Variants in OCA2 observed in about 807,000 individuals in gnomAD.
OCA2 encodes OCA2 melanosomal transmembrane protein, also known as P protein.
In OCA2, 77 loss-of-function variants were observed where a neutral mutation model predicts 100.2. That is an observed-to-expected ratio of 0.77 (90% CI 0.64 to 0.93). The LOEUF is 0.93. Among genes scored for constraint, OCA2 ranks in the 40% least tolerant of loss-of-function variants. The probability of loss-of-function intolerance (pLI) is 0.00; values close to 1 mark genes in which losing one functional copy is unlikely to be tolerated. For missense variants in OCA2, 1,062 were observed against 1,089.1 expected (o/e 0.98, Z 0.35); for synonymous variants, 432 against 439.2 (o/e 0.98, Z 0.21).
At chr15:27,881,418 G>A (rs1470047440) in intron 19 of OCA2, among the ~76,000 whole-genome samples, 7 of 152,232 alleles carry the variant, frequency 4.6e-5, no homozygotes, top group African/African-American at 1.4e-4. Flanking sequence ...CAATTGTTTG[G>A]AATTGTTTCA....
At chr15:27,791,085 G>A (rs1398363867) in intron 23 of OCA2, among the ~76,000 whole-genome samples, 1 of 151,758 alleles carries the variant, frequency 6.6e-6, no homozygotes, top group African/African-American at 2.4e-5. Context: ...CACTGTGCCT[G>A]GCCCTGATTT....
At chr15:28,015,466 G>A (rs1422315612) in intron 8 of OCA2, among the ~76,000 whole-genome samples, 1 of 152,192 alleles carries the variant, frequency 6.6e-6, no homozygotes, top group Non-Finnish European at 1.5e-5. Context: ...ACCTCCAAAT[G>A]TGACTGTAGG....
At chr15:27,972,319 G>A (rs369619005) in intron 14 of OCA2, among the ~76,000 whole-genome samples, 9 of 152,114 alleles carry the variant, frequency 5.9e-5, no homozygotes, top group South Asian at 4.1e-4. Flanking sequence ...TAAGTGTGCC[G>A]GTGTCTTTTT....
At chr15:27,919,849 G>A (rs1293225571) in intron 19 of OCA2, among the ~76,000 whole-genome samples, 1 of 152,182 alleles carries the variant, frequency 6.6e-6, no homozygotes, top group African/African-American at 2.4e-5. Context: ...GGAGGAAGTT[G>A]ATAATGGGGG....
In OCA2 at chr15:27,824,578, T is replaced by TTCTCTCTCTC. The variant is rs368293640; in HGVS notation, c.2432+20371_2432+20380dup. ...CTAATTTCTTTTGAATAAATACAAT[T>TTCTCTCTCTC]TCTCTCTCTCTCTCTCTCTCTCTCT... is the stretch of plus-strand genomic sequence containing the variant. On this transcript the variant is annotated intron_variant, in intron 23 of 23. Coordinates refer to ENST00000354638, the MANE Select transcript of OCA2 (RefSeq NM_000275.3). Among the ~76,000 whole-genome samples, 59 of 53,552 alleles carry TTCTCTCTCTC rather than the reference T, an allele frequency of 1.1e-3. 3 individuals are homozygous for TTCTCTCTCTC. Among genetic ancestry groups the TTCTCTCTCTC allele is most frequent in the African/African-American group, 1.5e-3 (12 of 7,760 alleles). The allele number at this position is 53,552 out of a possible 152,430, so 35.1% of individuals were successfully genotyped here.
At chr15:28,061,861 T>C (rs1482170881) in intron 2 of OCA2, among the ~76,000 whole-genome samples, 3 of 152,238 alleles carry the variant, frequency 2.0e-5, no homozygotes, top group Admixed American at 2.0e-4. Flanking sequence ...TCACTGAGCA[T>C]GTCCTTAAGG....
intron 9 of OCA2, among the ~76,000 whole-genome samples, chr15:28,013,123 C>G (rs2042287245): frequency 6.6e-6 from 1 of 152,172 alleles, no homozygotes. Flanking sequence ...TAGGGTCCTC[C>G]TCCTGGACAC....
chr15:27,955,426 T>C (rs1168801764), intron 16 of OCA2, among the ~76,000 whole-genome samples: 1 of 152,120 alleles, frequency 6.6e-6, no homozygotes, highest in African/African-American at 2.4e-5. Context: ...TATAATGACC[T>C]GAATGATGAA....
chr15:28,021,539 C>A (rs771093957), intron 6 of OCA2, among the ~76,000 whole-genome samples: 1 of 152,188 alleles, frequency 6.6e-6, no homozygotes, highest in Non-Finnish European at 1.5e-5. Context: ...TGTGGGCTCG[C>A]TTGAGCGTGG....
intron 23 of OCA2, among the ~76,000 whole-genome samples, chr15:27,837,684 G>A (rs936093612): frequency 9.2e-5 from 14 of 151,974 alleles, no homozygotes; most frequent in African/African-American, 3.4e-4. Context: ...TATAGACTAC[G>A]GAGAAAAGAC....
intron 2 of OCA2, among the ~76,000 whole-genome samples, chr15:28,063,257 T>C (rs374574852): frequency 6.6e-6 from 1 of 152,180 alleles, no homozygotes; most frequent in Non-Finnish European, 1.5e-5. Flanking sequence ...GTTTTCATGA[T>C]ATACCTTTTT....
chr15:27,966,674 T>C lies in OCA2; in HGVS notation c.1636+16A>G, dbSNP rs1595731769. 1 of 1,613,620 alleles carries C rather than the reference T, an allele frequency of 6.2e-7. No homozygotes were observed. Among genetic ancestry groups the C allele is most frequent in the Non-Finnish European group, 8.5e-7 (1 of 1,179,784 alleles). ...TCATGAAATCTGAGCCTACATGAGG[T>C]TGCACTTGTACTCACCAACAATCTC... is the stretch of plus-strand genomic sequence containing the variant. On this transcript the variant is annotated intron_variant, in intron 15 of 23. Coordinates refer to ENST00000354638, the MANE Select transcript of OCA2 (RefSeq NM_000275.3).
chr15:27,819,964 G>A (rs1428153153), intron 23 of OCA2, among the ~76,000 whole-genome samples: 2 of 152,120 alleles, frequency 1.3e-5, no homozygotes, highest in Non-Finnish European at 2.9e-5. Flanking sequence ...ATAAGGAAGG[G>A]CTCACGGAAA....
chr15:28,071,808 T>C (rs573521401), intron 2 of OCA2, among the ~76,000 whole-genome samples: 33 of 152,336 alleles, frequency 2.2e-4, no homozygotes, highest in Admixed American at 1.9e-3. Context: ...CCTCAAACTA[T>C]AGAAATCCTG....
intron 15 of OCA2, among the ~76,000 whole-genome samples, chr15:27,963,249 A>C (rs2040463147): frequency 6.6e-6 from 1 of 152,208 alleles, no homozygotes. Context: ...AGAATATAGA[A>C]TACTTGAATA....
At chr15:27,825,820 A>C (rs962597397) in intron 23 of OCA2, among the ~76,000 whole-genome samples, 1 of 152,192 alleles carries the variant, frequency 6.6e-6, no homozygotes, top group Admixed American at 6.5e-5. Flanking sequence ...ACTATGCCCC[A>C]GTCCCCATGG....
intron 19 of OCA2, among the ~76,000 whole-genome samples, chr15:27,907,221 A>G (rs2038210657): frequency 6.6e-6 from 1 of 152,258 alleles, no homozygotes; most frequent in Non-Finnish European, 1.5e-5. Flanking sequence ...ACCAAGCTAG[A>G]AAATTACTAA....
chr15:28,038,626 T>C (rs2043113758), intron 2 of OCA2, among the ~76,000 whole-genome samples: 1 of 151,990 alleles, frequency 6.6e-6, no homozygotes, highest in Non-Finnish European at 1.5e-5. Context: ...CTTTGGGAAA[T>C]TAAAATATTG....
At chr15:27,904,085 C>G (rs576758640) in intron 19 of OCA2, among the ~76,000 whole-genome samples, 1 of 152,308 alleles carries the variant, frequency 6.6e-6, no homozygotes, top group South Asian at 2.1e-4. Flanking sequence ...TATTCAGCTT[C>G]CCTGTGAATC....
Sources: gnomAD v4.1 joint callset for allele counts (sites outside exome capture counted in the v4.1 genomes callset) on GRCh38, gnomAD v4.1.1 for gene constraint, MANE v1.5 for transcripts, NCBI Gene and HGNC (gene_info 2026-07-23, HGNC 2026-07-21) for gene names.